FRMPD1: variants seen among roughly 807,000 people sequenced by gnomAD.
FRMPD1 encodes the protein FERM and PDZ domain-containing protein 1.
In FRMPD1, 76 loss-of-function variants were observed where a neutral mutation model predicts 117.8. The ratio of observed to expected loss-of-function variants is 0.65; its 90% CI spans 0.54 to 0.78. The LOEUF (loss-of-function observed/expected upper bound fraction) is 0.78. FRMPD1 is among the 30% of genes least tolerant of loss of function. The pLI, the probability that FRMPD1 is intolerant of heterozygous loss-of-function variation, is 0.00. For synonymous variants in FRMPD1, 783 were observed against 770.4 expected (o/e 1.02, Z -0.27); for missense variants, 1,786 against 1,964.5 (o/e 0.91, Z 1.72).
rs550865818 is a variant in FRMPD1, at chr9:37,670,891, G to A, written c.-5+19797G>A. 2.6e-5 allele frequency among the ~76,000 whole-genome samples: 4 copies of A among 152,314 alleles called. No homozygotes were observed. In the South Asian group the frequency reaches 8.3e-4, roughly 32 times the overall value. On this transcript the variant is annotated intron_variant, in intron 1 of 15. Coordinates refer to ENST00000377765, the MANE Select transcript of FRMPD1 (RefSeq NM_014907.3). ...ATTGCCTTTCTTCTGGTGATCGTTG[G>A]ATTTTGAAATAAGCATCCAGGGCAT...
At chr9:37,619,453 A>G in the FRMPD1 span, among the ~76,000 whole-genome samples, 4 of 152,194 alleles carry the variant, frequency 2.6e-5, no homozygotes, top group Non-Finnish European at 5.9e-5. Flanking sequence ...GAGTAGGGCA[A>G]AAGCTGCAGA....
At chr9:37,692,834 C>G in intron 2 of FRMPD1, 92 bp downstream of exon 2, 1 of 898,226 alleles carries the variant, frequency 1.1e-6, no homozygotes, top group Non-Finnish European at 1.9e-6. Context: ...CTTGGGATTG[C>G]TGTCTCCGGC....
intron 1 of FRMPD1, among the ~76,000 whole-genome samples, chr9:37,667,691 G>GAAAAA (rs3075983): frequency 0.042 from 6,092 of 144,700 alleles, 181 homozygotes; most frequent in Non-Finnish European, 0.059. Context: ...CTCAAAAAAA[G>GAAAAA]AAAAAAAAAA....
the FRMPD1 span, among the ~76,000 whole-genome samples, chr9:37,609,929 A>G: frequency 1.3e-5 from 2 of 151,958 alleles, no homozygotes; most frequent in Admixed American, 1.3e-4. Context: ...CCAACACCCT[A>G]TCCACAGGCT....
chr9:37,603,450 T>G, the FRMPD1 span, among the ~76,000 whole-genome samples: 5 of 152,278 alleles, frequency 3.3e-5, no homozygotes, highest in African/African-American at 1.2e-4. Flanking sequence ...AGAGATGTGT[T>G]TAAGTCATCC....
At chr9:37,685,076 T>G (rs945964964) in intron 1 of FRMPD1, among the ~76,000 whole-genome samples, 8 of 152,120 alleles carry the variant, frequency 5.3e-5, no homozygotes, top group African/African-American at 1.9e-4. Flanking sequence ...AAGAACAGTG[T>G]CTCAAGTAGC....
At chr9:37,728,595 G>A (rs778322151) in intron 7 of FRMPD1, among the ~76,000 whole-genome samples, 15 of 152,114 alleles carry the variant, frequency 9.9e-5, no homozygotes, top group Non-Finnish European at 1.5e-4. Flanking sequence ...CAACCATTCC[G>A]TCCTGTCAGC....
chr9:37,608,907 TA>T, the FRMPD1 span, among the ~76,000 whole-genome samples: 1 of 152,236 alleles, frequency 6.6e-6, no homozygotes, highest in Non-Finnish European at 1.5e-5. Context: ...ATCCCAGTTT[TA>T]CAGATGAATA....
intron 1 of FRMPD1, among the ~76,000 whole-genome samples, chr9:37,690,989 CT>C (rs1822113071): frequency 1.3e-5 from 2 of 152,154 alleles, no homozygotes; most frequent in Non-Finnish European, 2.9e-5. Flanking sequence ...ACCTAATCAC[CT>C]CTTATAAGTT....
At chr9:37,644,321 C>G in the FRMPD1 span, among the ~76,000 whole-genome samples, 18 of 152,324 alleles carry the variant, frequency 1.2e-4, no homozygotes, top group Non-Finnish European at 1.6e-4. Flanking sequence ...GCCTTCACTG[C>G]AGACTCACTA....
chr9:37,640,612 A>G, the FRMPD1 span, among the ~76,000 whole-genome samples: 1 of 152,232 alleles, frequency 6.6e-6, no homozygotes, highest in African/African-American at 2.4e-5. Flanking sequence ...CTCCAACTAC[A>G]TAATGATGCA....
rs574365779 is a variant in FRMPD1 at position 37,711,854 on chromosome 9, C to T, written c.408+459C>T. Among the ~76,000 whole-genome samples, 11 of 152,254 alleles carry T rather than the reference C, an allele frequency of 7.2e-5. No individual in the cohort carries two copies. The East Asian group carries it at 2.1e-3, about 29-fold the overall frequency. On this transcript the variant is annotated intron_variant, in intron 5 of 15. Transcript: ENST00000377765. ...ATCAGCTCTGAGGCTCACCACACGG[C>T]AAGGTGTGGCATAGATGATGCACAG...
At chr9:37,741,450 G>GACACACACACACACACAC (rs56971939) in intron 15 of FRMPD1, among the ~76,000 whole-genome samples, 43 of 135,734 alleles carry the variant, frequency 3.2e-4, no homozygotes, top group African/African-American at 1.1e-3. Context: ...ATCCTGGCAG[G>GACACACACACACACACAC]ACACACACAC....
At chr9:37,744,313 C>A in intron 15 of FRMPD1, 76 bp from the exon 16 acceptor site, 1 of 1,127,134 alleles carries the variant, frequency 8.9e-7, no homozygotes, top group Non-Finnish European at 1.3e-6. Flanking sequence ...CCAGGAAAGC[C>A]CAAGGCCTGA....
chr9:37,730,199 G>A (rs979243007), intron 8 of FRMPD1, among the ~76,000 whole-genome samples: 4 of 152,206 alleles, frequency 2.6e-5, no homozygotes, highest in Admixed American at 6.5e-5. Flanking sequence ...TGCTGCCTTT[G>A]AGCCATTAGG....
At chr9:37,637,242 C>G in the FRMPD1 span, 1 of 1,610,526 alleles carries the variant, frequency 6.2e-7, no homozygotes, top group Non-Finnish European at 8.5e-7. Context: ...TTGCCCACGC[C>G]TGAGTCGCCA....
chr9:37,665,315 A>T (rs981005568), intron 1 of FRMPD1, among the ~76,000 whole-genome samples: 3 of 152,244 alleles, frequency 2.0e-5, no homozygotes, highest in African/African-American at 7.2e-5. Context: ...TACCAGCCAC[A>T]TGTATTACTT....
At chr9:37,718,443 TCACAAG>T (rs1823245583) in intron 5 of FRMPD1, among the ~76,000 whole-genome samples, 2 of 152,240 alleles carry the variant, frequency 1.3e-5, no homozygotes, top group African/African-American at 4.8e-5. Flanking sequence ...TCAGCAAGTG[TCACAAG>T]TTGGCCTGAT....
At chr9:37,656,166 G>A (rs920335661) in intron 1 of FRMPD1, among the ~76,000 whole-genome samples, 4 of 152,148 alleles carry the variant, frequency 2.6e-5, no homozygotes, top group African/African-American at 9.7e-5. Context: ...CTTGATAATG[G>A]TCTGTATCGG....
Sources: allele counts gnomAD v4.1 joint callset (sites outside exome capture counted in the v4.1 genomes callset), GRCh38; gene constraint gnomAD v4.1.1; transcripts MANE v1.5; gene names NCBI Gene and HGNC (gene_info 2026-07-23, HGNC 2026-07-21).